Variants in PRKCE observed in about 807,000 individuals in gnomAD.
The protein encoded by PRKCE is protein kinase C epsilon, also known as protein kinase C epsilon type.
PRKCE carries 16 observed loss-of-function variants against 85.4 expected under a neutral mutation model. The ratio of observed to expected loss-of-function variants is 0.19; its 90% CI spans 0.13 to 0.28. The LOEUF is 0.28. Among genes scored for constraint, PRKCE ranks in the 10% least tolerant of loss-of-function variants. The probability of loss-of-function intolerance (pLI) is 1.00; values close to 1 mark genes in which losing one functional copy is unlikely to be tolerated. For missense variants in PRKCE, 573 were observed against 975.2 expected (o/e 0.59, Z 5.49); for synonymous variants, 388 against 371.5 (o/e 1.04, Z -0.51).
At position 46,184,466 on chromosome 2, in the gene PRKCE, T is replaced by G. The variant is rs1020353239; in HGVS notation, c.2068-269T>G. Among the ~76,000 whole-genome samples the G allele has an allele frequency of 7.1e-6, 1 of 141,520 alleles. No individual in the cohort carries two copies. The highest frequency in any genetic ancestry group is 2.6e-5 in the African/African-American group (1 of 38,142). The allele number at this position is 141,520 out of a possible 152,430, so 92.8% of individuals were successfully genotyped here. A position where few individuals can be genotyped will look rare whatever the true frequency, so the allele number is the denominator to read the frequency against. On this transcript the variant is annotated intron_variant, in intron 14 of 14. Transcript: ENST00000306156. The surrounding 1 kb of genome is among the most constrained non-coding windows in gnomAD (Gnocchi z 5.0). The stretch of plus-strand genomic sequence containing the variant: ...ACACACACACACACACACACACGTC[T>G]GTGGGAATCCCACTTCCCTGCTTTT...
chr2:45,993,254 C>T (rs571959562), intron 6 of PRKCE, among the ~76,000 whole-genome samples: 1 of 152,308 alleles, frequency 6.6e-6, no homozygotes, highest in South Asian at 2.1e-4. Context: ...TGGTCTGTGG[C>T]CTCCCAGTGA....
intron 1 of PRKCE, among the ~76,000 whole-genome samples, chr2:45,776,591 A>C (rs1471315530): frequency 6.6e-6 from 1 of 152,144 alleles, no homozygotes; most frequent in Non-Finnish European, 1.5e-5. Flanking sequence ...CTGCTCGCAA[A>C]CTTATTTGCT....
intron 1 of PRKCE, among the ~76,000 whole-genome samples, chr2:45,660,056 T>TTGAA (rs372022691): frequency 0.02 from 3,041 of 152,160 alleles, 94 homozygotes; most frequent in African/African-American, 0.069. Flanking sequence ...TGGCACATTG[T>TTGAA]TGAATGAATG....
rs1669565598 is a variant in PRKCE, at chr2:46,085,749, GTTTTTGTTT to G, written c.1438-453_1438-445del. Among the ~76,000 whole-genome samples the G allele has an allele frequency of 1.6e-4, 3 of 18,660 alleles. 1 individual carries two copies. The allele number at this position is 18,660 out of a possible 152,430, so 12.2% of individuals were successfully genotyped here. On this transcript the variant is annotated intron_variant, in intron 10 of 14. Transcript: ENST00000306156. ...TCTGCAAAATCCGTTTTTTTTTTTT[GTTTTTGTTT>G]TTTTTTTTTTTTTTAGCCATATAAG...
rs573281832 is a variant in PRKCE, at chr2:46,155,594, A to G, written c.1921-4012A>G. ...CCCTTCAGCTGGCCAGGGGTCCCTCACATTCAGTATACTCCCAAACAGCTC... is the reference window on the plus strand; with the variant it reads ...CCCTTCAGCTGGCCAGGGGTCCCTCGCATTCAGTATACTCCCAAACAGCTC... On this transcript the variant is annotated intron_variant, in intron 13 of 14. Transcript: ENST00000306156. This position sits in a 1 kb window ranked among gnomAD's most constrained non-coding sequence, Gnocchi z 4.7. Among the ~76,000 whole-genome samples, 1 of 152,218 alleles carries G rather than the reference A, an allele frequency of 6.6e-6. No individual in the cohort carries two copies. The highest frequency in any genetic ancestry group is 2.1e-4 in the South Asian group (1 of 4,804).
intron 1 of PRKCE, among the ~76,000 whole-genome samples, chr2:45,753,882 C>G (rs1683788929): frequency 6.6e-6 from 1 of 152,166 alleles, no homozygotes; most frequent in Non-Finnish European, 1.5e-5. Context: ...AAAATAAAGA[C>G]ATTTTCTTGC....
intron 1 of PRKCE, among the ~76,000 whole-genome samples, chr2:45,832,313 C>CTT (rs10692501): frequency 0.61 from 84,663 of 137,774 alleles, 26,860 homozygotes; most frequent in African/African-American, 0.76. Context: ...CAAGGAGCAA[C>CTT]TTTTTTTTTT....
At chr2:45,859,394 A>C (rs1490187792) in intron 2 of PRKCE, among the ~76,000 whole-genome samples, 2 of 152,172 alleles carry the variant, frequency 1.3e-5, no homozygotes, top group Non-Finnish European at 1.5e-5. Context: ...GCTAGGTAAT[A>C]AGTTGTTTTC....
intron 2 of PRKCE, among the ~76,000 whole-genome samples, chr2:45,862,164 T>C (rs1433176481): frequency 6.7e-6 from 1 of 150,358 alleles, no homozygotes; most frequent in African/African-American, 2.5e-5. Flanking sequence ...GCCACCCTAG[T>C]GTAACCTTTC....
intron 14 of PRKCE, among the ~76,000 whole-genome samples, chr2:46,161,773 G>A (rs573220118): frequency 4.6e-5 from 7 of 152,170 alleles, no homozygotes; most frequent in South Asian, 2.1e-4. Context: ...ATGAAGAATC[G>A]TCTCTCCCTG....
At chr2:46,042,281 A>G (rs2105011084) in intron 10 of PRKCE, among the ~76,000 whole-genome samples, 1 of 152,026 alleles carries the variant, frequency 6.6e-6, no homozygotes, top group Non-Finnish European at 1.5e-5. Context: ...CCTCCTGTTC[A>G]CTCTTTCCCC....
intron 1 of PRKCE, among the ~76,000 whole-genome samples, chr2:45,752,770 C>T (rs1683684392): frequency 6.6e-6 from 1 of 152,166 alleles, no homozygotes; most frequent in South Asian, 2.1e-4. Flanking sequence ...TACCTACCTC[C>T]ACCTCAGTGT....
At chr2:46,021,458 C>A (rs981363926) in intron 10 of PRKCE, among the ~76,000 whole-genome samples, 1 of 152,186 alleles carries the variant, frequency 6.6e-6, no homozygotes, top group Non-Finnish European at 1.5e-5. Context: ...GGAAGAACTT[C>A]TGCAGGAAGC....
rs183504881 is a variant in PRKCE, at chr2:46,150,827, G to A, written c.1732-214G>A. On this transcript the variant is annotated intron_variant, in intron 12 of 14. Transcript: ENST00000306156. ...TGTTCCCACTGGAAGACAGACTGTC[G>A]ATGTTGACTTTGGAAAGATGATAGC... 3.3e-5 allele frequency among the ~76,000 whole-genome samples: 5 copies of A among 152,260 alleles called. No homozygotes were observed. In the East Asian group the frequency reaches 5.8e-4, roughly 18 times the overall value.
chr2:45,886,801 C>T (rs1169897361), intron 2 of PRKCE, among the ~76,000 whole-genome samples: 1 of 152,140 alleles, frequency 6.6e-6, no homozygotes, highest in East Asian at 1.9e-4. Flanking sequence ...TTAGAAAGTG[C>T]CTTTAAAAGT....
chr2:45,757,278 G>T (rs952623124), intron 1 of PRKCE, among the ~76,000 whole-genome samples: 1 of 122,166 alleles, frequency 8.2e-6, no homozygotes, highest in Non-Finnish European at 1.6e-5. Context: ...CTGCACTCCA[G>T]CTTGGGCAAC....
At chr2:45,748,402 T>C (rs2104720526) in intron 1 of PRKCE, among the ~76,000 whole-genome samples, 1 of 152,378 alleles carries the variant, frequency 6.6e-6, no homozygotes, top group South Asian at 2.1e-4. Flanking sequence ...TCAGGCTGCG[T>C]GAGAGAGCGC....
At chr2:45,706,940 A>G (rs1679162554) in intron 1 of PRKCE, among the ~76,000 whole-genome samples, 1 of 152,206 alleles carries the variant, frequency 6.6e-6, no homozygotes. Context: ...AGAATAAGCA[A>G]TGACAGACAT....
At chr2:46,078,316 G>A (rs1455312708) in intron 10 of PRKCE, 1 of 150,842 alleles carries the variant, frequency 6.6e-6, no homozygotes, top group Non-Finnish European at 1.5e-5. Flanking sequence ...ATCACTTGAG[G>A]CCAGGAGTCA....
Sources: gnomAD v4.1 joint callset for allele counts (sites outside exome capture counted in the v4.1 genomes callset) on GRCh38, gnomAD v4.1.1 for gene constraint, Gnocchi (gnomAD v3.1) non-coding constraint, MANE v1.5 for transcripts, NCBI Gene and HGNC (gene_info 2026-07-23, HGNC 2026-07-21) for gene names.